PDZRN4: variants seen among roughly 807,000 people sequenced by gnomAD.
PDZRN4 encodes the protein PDZ domain-containing RING finger protein 4.
A neutral mutation model predicts 99.0 loss-of-function variants in PDZRN4; 70 were observed. The ratio of observed to expected loss-of-function variants is 0.71; its 90% CI spans 0.58 to 0.86. The LOEUF is 0.86. Among genes scored for constraint, PDZRN4 ranks in the 40% least tolerant of loss-of-function variants. The pLI is 0.00. For missense variants in PDZRN4, 1,474 were observed against 1,331.2 expected (o/e 1.11, Z -1.67); for synonymous variants, 551 against 501.6 (o/e 1.10, Z -1.32).
At chr12:41,532,489 C>T (rs978716134) in intron 5 of PDZRN4, among the ~76,000 whole-genome samples, 1 of 152,150 alleles carries the variant, frequency 6.6e-6, no homozygotes, top group Admixed American at 6.5e-5. Flanking sequence ...TTAGGAAGAA[C>T]TGACTCTTTT....
intron 3 of PDZRN4, among the ~76,000 whole-genome samples, chr12:41,201,295 A>C (rs1234846498): frequency 3.3e-5 from 5 of 150,438 alleles, no homozygotes; most frequent in African/African-American, 1.2e-4. Context: ...TAGCTGACAA[A>C]CTCCTTTGTA....
At chr12:41,418,378 A>G (rs916191047) in intron 3 of PDZRN4, among the ~76,000 whole-genome samples, 11 of 152,178 alleles carry the variant, frequency 7.2e-5, no homozygotes, top group African/African-American at 2.2e-4. Flanking sequence ...TGTGATATAC[A>G]TTTTCAAACA....
At chr12:41,501,639 A>G in intron 3 of PDZRN4, among the ~76,000 whole-genome samples, 1 of 152,178 alleles carries the variant, frequency 6.6e-6, no homozygotes, top group Non-Finnish European at 1.5e-5. Flanking sequence ...TTGATCACTG[A>G]AAAGTGATTG....
At chr12:41,545,412 T>C (rs1219907653) in intron 5 of PDZRN4, among the ~76,000 whole-genome samples, 1 of 152,148 alleles carries the variant, frequency 6.6e-6, no homozygotes, top group Non-Finnish European at 1.5e-5. Flanking sequence ...TTATGATCTC[T>C]TCAAAATTTG....
intron 1 of PDZRN4, among the ~76,000 whole-genome samples, chr12:41,190,032 C>G (rs1950726065): frequency 6.6e-6 from 1 of 152,180 alleles, no homozygotes; most frequent in South Asian, 2.1e-4. Flanking sequence ...GACTTCTGCA[C>G]AGTGTCTGAC....
intron 3 of PDZRN4, among the ~76,000 whole-genome samples, chr12:41,503,583 T>C (rs1037928171): frequency 3.9e-5 from 6 of 152,174 alleles, no homozygotes; most frequent in Non-Finnish European, 5.9e-5. Flanking sequence ...ACTTAGCTTA[T>C]AGTAACACAG....
chr12:41,507,196 G>A (rs1055092930), intron 4 of PDZRN4, among the ~76,000 whole-genome samples: 1 of 152,066 alleles, frequency 6.6e-6, no homozygotes, highest in Non-Finnish European at 1.5e-5. Flanking sequence ...GCAATTCTCT[G>A]ACGAAAGCAC....
At chr12:41,555,130 C>A (rs1201615969) in intron 6 of PDZRN4, among the ~76,000 whole-genome samples, 1 of 145,990 alleles carries the variant, frequency 6.8e-6, no homozygotes, top group Non-Finnish European at 1.5e-5. Context: ...ACTCGGGAGT[C>A]TGAGGCAGGA....
At chr12:41,254,032 TGC>T (rs1382408267) in intron 3 of PDZRN4, among the ~76,000 whole-genome samples, 9 of 40,346 alleles carry the variant, frequency 2.2e-4, no homozygotes, top group Non-Finnish European at 5.1e-4. Flanking sequence ...TATATGTGTG[TGC>T]GTGTGTGTGT....
At chr12:41,225,842 C>G (rs1039943909) in intron 3 of PDZRN4, among the ~76,000 whole-genome samples, 1 of 152,092 alleles carries the variant, frequency 6.6e-6, no homozygotes, top group African/African-American at 2.4e-5. Flanking sequence ...GTTGGCATCT[C>G]AGAATTTCAT....
chr12:41,401,555 C>T (rs1239446124), intron 3 of PDZRN4, among the ~76,000 whole-genome samples: 1 of 152,154 alleles, frequency 6.6e-6, no homozygotes, highest in African/African-American at 2.4e-5. Context: ...CAACCTTTTT[C>T]ACCGATCCAG....
intron 3 of PDZRN4, among the ~76,000 whole-genome samples, chr12:41,306,668 T>C (rs1951572254): frequency 6.6e-6 from 1 of 152,184 alleles, no homozygotes; most frequent in Non-Finnish European, 1.5e-5. Context: ...TCTGGTTCCT[T>C]TTTGCTTAAC....
intron 3 of PDZRN4, among the ~76,000 whole-genome samples, chr12:41,200,282 C>T (rs1305552508): frequency 6.6e-6 from 1 of 152,136 alleles, no homozygotes; most frequent in African/African-American, 2.4e-5. Context: ...TTCCATTTCT[C>T]AGTTTCTCTC....
At chr12:41,215,910 G>A (rs1950918130) in intron 3 of PDZRN4, among the ~76,000 whole-genome samples, 2 of 151,534 alleles carry the variant, frequency 1.3e-5, no homozygotes, top group South Asian at 2.1e-4. Context: ...AGGATAGTAC[G>A]AGGATTTAGT....
At chr12:41,565,163 CAA>C (rs1939342646) in intron 8 of PDZRN4, among the ~76,000 whole-genome samples, 1 of 151,974 alleles carries the variant, frequency 6.6e-6, no homozygotes, top group African/African-American at 2.4e-5. Context: ...CCTTTTTCTC[CAA>C]AAGAGTCAAT....
intron 3 of PDZRN4, among the ~76,000 whole-genome samples, chr12:41,346,985 A>T (rs1951858874): frequency 6.6e-6 from 1 of 152,098 alleles, no homozygotes; most frequent in Non-Finnish European, 1.5e-5. Flanking sequence ...TTGGTACTTC[A>T]TTGGTTTTTA....
At chr12:41,257,479 TG>T (rs1385410870) in intron 3 of PDZRN4, among the ~76,000 whole-genome samples, 1 of 152,136 alleles carries the variant, frequency 6.6e-6, no homozygotes. Context: ...AACATAGCAA[TG>T]GTGAGTCAAC....
At chr12:41,496,192 C>T (rs1020125675) in intron 3 of PDZRN4, among the ~76,000 whole-genome samples, 2 of 152,058 alleles carry the variant, frequency 1.3e-5, no homozygotes, top group Non-Finnish European at 2.9e-5. Flanking sequence ...GCTCCTGGCA[C>T]TCTGTGAGTG....
chr12:41,199,404 T>C (rs1033772527), intron 3 of PDZRN4, among the ~76,000 whole-genome samples: 1 of 152,136 alleles, frequency 6.6e-6, no homozygotes, highest in African/African-American at 2.4e-5. Flanking sequence ...TACACACTAT[T>C]GGTTGGAATG....
Sources: gnomAD v4.1 joint callset for allele counts (sites outside exome capture counted in the v4.1 genomes callset) on GRCh38, gnomAD v4.1.1 for gene constraint, MANE v1.5 for transcripts, NCBI Gene and HGNC (gene_info 2026-07-23, HGNC 2026-07-21) for gene names.